The following DCDC2C variants were observed in gnomAD, a reference collection of about 807,000 sequenced individuals.
DCDC2C encodes doublecortin domain containing 2C.
Under a neutral mutation model 45.0 loss-of-function variants are expected in DCDC2C, and 44 were observed. That is an observed-to-expected ratio of 0.98 (90% confidence interval 0.77 to 1.26). DCDC2C has a LOEUF of 1.26. DCDC2C is among the 50% of genes most tolerant of loss of function. The pLI is 0.00. For missense variants in DCDC2C, 447 were observed against 468.9 expected (o/e 0.95, Z 0.43); for synonymous variants, 187 against 178.8 (o/e 1.05, Z -0.37).
rs575346987 is a variant in DCDC2C, at chr2:3,712,892, G to A, written c.339+4292G>A. 1.7e-3 allele frequency among the ~76,000 whole-genome samples: 257 copies of A among 152,238 alleles called. 2 individuals carry two copies. The highest frequency in any genetic ancestry group is 2.3e-3 in the Non-Finnish European group (158 of 68,016). Reference sequence around the variant, plus strand: ...CCAGAAGTTTCCTCTCTTTTAACACGGAATGTTGTGTGGCTTATGTTCTCA... The same window carrying A: ...CCAGAAGTTTCCTCTCTTTTAACACAGAATGTTGTGTGGCTTATGTTCTCA... On this transcript the variant is annotated intron_variant, in intron 2 of 10. Coordinates refer to ENST00000399143, the MANE Select transcript of DCDC2C (RefSeq NM_001287444.2).
At chr2:3,723,681 T>C (rs1558563442) in intron 2 of DCDC2C, among the ~76,000 whole-genome samples, 1 of 152,066 alleles carries the variant, frequency 6.6e-6, no homozygotes, top group Non-Finnish European at 1.5e-5. Flanking sequence ...GGAAGGATTG[T>C]CTCGGGGCAG....
intron 6 of DCDC2C, among the ~76,000 whole-genome samples, chr2:3,757,601 T>C (rs1217330843): frequency 6.6e-6 from 1 of 152,194 alleles, no homozygotes; most frequent in Admixed American, 6.5e-5. Flanking sequence ...TGGTCGTCCA[T>C]GAGGCCGTGG....
Position 3,741,979 on chromosome 2 carries a change from G to A in DCDC2C, c.476G>A (p.Ser159Asn). The change falls in exon 4 of 11, where the codon AGT becomes AAT. Residue 159 changes from serine to asparagine, a missense_variant. Physicochemically the swap from Ser to Asn is conservative, Grantham distance 46. Transcript: ENST00000399143. ...PPAKIIIPKF[S>N]LSDWDIVLAT... ...GCAAAAATCATTATACCCAAATTTAGTCTGTCCGATTGGGACATCGTGCTG... is the reference window on the plus strand; with the variant it reads ...GCAAAAATCATTATACCCAAATTTAATCTGTCCGATTGGGACATCGTGCTG... 1.3e-6 allele frequency: 2 copies of A among 1,548,802 alleles called. No individual in the cohort carries two copies. The highest frequency in any genetic ancestry group is 1.7e-6 in the Non-Finnish European group (2 of 1,146,362).
intron 2 of DCDC2C, among the ~76,000 whole-genome samples, chr2:3,709,948 C>T (rs1204857655): frequency 6.6e-6 from 1 of 152,226 alleles, no homozygotes; most frequent in Non-Finnish European, 1.5e-5. Flanking sequence ...AGGATGTCTA[C>T]ACCCGCGCTG....
intron 6 of DCDC2C, among the ~76,000 whole-genome samples, chr2:3,763,022 A>G (rs76387962): frequency 0.11 from 15,977 of 152,054 alleles, 1,173 homozygotes; most frequent in East Asian, 0.35. Context: ...CTGAGGGGAC[A>G]TGGACCTTGA....
chr2:3,720,467 C>T (rs1668469373), intron 2 of DCDC2C, among the ~76,000 whole-genome samples: 1 of 152,178 alleles, frequency 6.6e-6, no homozygotes, highest in Admixed American at 6.5e-5. Context: ...ATTAGACACT[C>T]TTTTGTTCTG....
intron 2 of DCDC2C, among the ~76,000 whole-genome samples, chr2:3,712,986 C>T (rs569770531): frequency 3.2e-4 from 48 of 152,228 alleles, no homozygotes; most frequent in African/African-American, 1.1e-3. Context: ...TGAGGCAGAG[C>T]AGGCCTTAAT....
intron 10 of DCDC2C, among the ~76,000 whole-genome samples, chr2:3,816,162 T>C (rs1325042033): frequency 6.6e-6 from 1 of 152,094 alleles, no homozygotes; most frequent in Non-Finnish European, 1.5e-5. Flanking sequence ...ATTTGTCACA[T>C]AGAATGATTG....
intron 2 of DCDC2C, among the ~76,000 whole-genome samples, chr2:3,723,845 T>C (rs1279218143): frequency 2.0e-5 from 3 of 152,070 alleles, no homozygotes; most frequent in African/African-American, 7.2e-5. Flanking sequence ...GGCACCATTT[T>C]CTGAGATGGG....
chr2:3,728,626 C>T (rs1217593699), intron 3 of DCDC2C, among the ~76,000 whole-genome samples: 2 of 152,204 alleles, frequency 1.3e-5, no homozygotes, highest in African/African-American at 4.8e-5. Flanking sequence ...GGAATTTCCA[C>T]TAGATGGACC....
chr2:3,826,244 A>G (rs1671812211), intron 10 of DCDC2C, among the ~76,000 whole-genome samples: 1 of 152,182 alleles, frequency 6.6e-6, no homozygotes, highest in Admixed American at 6.5e-5. Context: ...CTTGCTCCCC[A>G]TTAAAAACCC....
chr2:3,747,277 G>A (rs1484691202), intron 4 of DCDC2C, among the ~76,000 whole-genome samples: 1 of 152,184 alleles, frequency 6.6e-6, no homozygotes, highest in East Asian at 1.9e-4. Flanking sequence ...GCCCTGCATC[G>A]TGGGCACAAA....
Position 3,725,571 on chromosome 2 carries a change from A to G in DCDC2C, c.340-1432A>G, listed in dbSNP as rs75574744. Reference sequence around the variant, plus strand: ...GAGGCTGCCCGGTGGATCCCAGAGGAAGACGAGCAGAGAGGGAGGAGGCTG... The same window carrying G: ...GAGGCTGCCCGGTGGATCCCAGAGGGAGACGAGCAGAGAGGGAGGAGGCTG... On this transcript the variant is annotated intron_variant, in intron 2 of 10. Coordinates refer to ENST00000399143, the MANE Select transcript of DCDC2C (RefSeq NM_001287444.2). Among the ~76,000 whole-genome samples, 124 of 47,304 alleles carry G rather than the reference A, an allele frequency of 2.6e-3. 1 individual carries two copies. Among genetic ancestry groups the G allele is most frequent in the East Asian group, 0.011 (13 of 1,220 alleles). The allele number at this position is 47,304 out of a possible 152,430, so 31.0% of individuals were successfully genotyped here.
intron 8 of DCDC2C, among the ~76,000 whole-genome samples, chr2:3,773,421 C>A (rs1161912163): frequency 1.3e-5 from 2 of 152,248 alleles, no homozygotes; most frequent in Middle Eastern, 6.8e-3. Flanking sequence ...TGTAGATGCG[C>A]GGGGGTGCAT....
intron 10 of DCDC2C, among the ~76,000 whole-genome samples, chr2:3,806,084 C>T (rs981541807): frequency 2.0e-5 from 3 of 152,154 alleles, no homozygotes; most frequent in Admixed American, 1.3e-4. Flanking sequence ...GATCCTCCTG[C>T]CTTGGCCTCC....
intron 10 of DCDC2C, among the ~76,000 whole-genome samples, chr2:3,829,364 A>G (rs1242252066): frequency 1.3e-5 from 2 of 148,478 alleles, no homozygotes; most frequent in African/African-American, 5.0e-5. Flanking sequence ...ACATTTTATG[A>G]TCATAAATTA....
At chr2:3,807,396 C>A (rs577849116) in intron 10 of DCDC2C, among the ~76,000 whole-genome samples, 15 of 152,098 alleles carry the variant, frequency 9.9e-5, no homozygotes, top group Non-Finnish European at 1.6e-4. Flanking sequence ...TGTAAACAGT[C>A]GACTCTTCCT....
intron 3 of DCDC2C, among the ~76,000 whole-genome samples, chr2:3,733,874 G>A (rs1217092319): frequency 6.6e-6 from 1 of 152,194 alleles, no homozygotes; most frequent in East Asian, 1.9e-4. Flanking sequence ...AGGGGTCTGG[G>A]ACCTTGAAGT....
chr2:3,778,746 C>A, intron 8 of DCDC2C, 70 bp from the exon 9 acceptor site: 1 of 1,446,332 alleles, frequency 6.9e-7, no homozygotes, highest in Non-Finnish European at 9.5e-7. Flanking sequence ...CACTATTTCA[C>A]GTGCTCTCTG....
Sources: allele counts gnomAD v4.1 joint callset (sites outside exome capture counted in the v4.1 genomes callset), GRCh38; gene constraint gnomAD v4.1.1; transcripts MANE v1.5; gene names NCBI Gene and HGNC (gene_info 2026-07-23, HGNC 2026-07-21).